The following AAK1 variants were observed in gnomAD, a reference collection of about 807,000 sequenced individuals.
AAK1 encodes the protein AP2 associated kinase 1, also known as AP2-associated protein kinase 1.
AAK1 carries 37 observed loss-of-function variants against 116.0 expected under a neutral mutation model. The observed-to-expected ratio is 0.32, with a 90% confidence interval of 0.25 to 0.42. The LOEUF (loss-of-function observed/expected upper bound fraction) is 0.42. AAK1 is among the 10% of genes least tolerant of loss of function. The pLI is 1.00. For missense variants in AAK1, 919 were observed against 1,170.6 expected, an observed-to-expected ratio of 0.79 and a Z score of 3.14; for synonymous variants, 458 against 439.9, an observed-to-expected ratio of 1.04 and a Z score of -0.51.
chr2:69,523,333 C>T (rs1189312655), intron 10 of AAK1, among the ~76,000 whole-genome samples: 1 of 152,144 alleles, frequency 6.6e-6, no homozygotes, highest in Non-Finnish European at 1.5e-5. Context: ...AATGGACAGA[C>T]TACAAAGTAA....
intron 2 of AAK1, among the ~76,000 whole-genome samples, chr2:69,589,382 G>C (rs532623540): frequency 1.3e-5 from 2 of 152,150 alleles, no homozygotes; most frequent in African/African-American, 4.8e-5. Context: ...GCTGTGAACA[G>C]AATAGATGCA....
At position 69,638,626 on chromosome 2, in the gene AAK1, G is replaced by T. The variant is rs10197030; in HGVS notation, c.163+4252C>A. 4.1e-4 allele frequency among the ~76,000 whole-genome samples: 62 copies of T among 152,140 alleles called. 1 individual carries two copies. The East Asian group carries it at 9.7e-3, about 24-fold the overall frequency. ...GGAGGAAATGTGTACTGATGAAAAT[G>T]GTAACACTAAACTAGTCAGTATTCT... On this transcript the variant is annotated intron_variant, in intron 2 of 21. Transcript: ENST00000409085.
intron 2 of AAK1, among the ~76,000 whole-genome samples, chr2:69,599,395 A>G (rs1558992277): frequency 7.1e-6 from 1 of 140,964 alleles, no homozygotes; most frequent in African/African-American, 2.4e-5. Context: ...AAAAAAAAAA[A>G]AAACTTCACT....
At chr2:69,540,875 T>C (rs1670684707) in intron 5 of AAK1, among the ~76,000 whole-genome samples, 1 of 152,194 alleles carries the variant, frequency 6.6e-6, no homozygotes, top group South Asian at 2.1e-4. Flanking sequence ...AGTGAATGAA[T>C]GGATAAACAA....
intron 2 of AAK1, among the ~76,000 whole-genome samples, chr2:69,630,182 C>T (rs1303935702): frequency 6.6e-6 from 1 of 152,072 alleles, no homozygotes; most frequent in Non-Finnish European, 1.5e-5. Context: ...GCCCATCATA[C>T]TTATAAAAAC....
In AAK1 at chr2:69,594,949, T is replaced by C. The variant is rs914427289; in HGVS notation, c.164-37971A>G. On this transcript the variant is annotated intron_variant, in intron 2 of 21. Coordinates refer to ENST00000409085, the MANE Select transcript of AAK1 (RefSeq NM_014911.5). Reference sequence around the variant, plus strand: ...ACTCTGCTTCCTGTCATAACGCCACTTTCCCTGGGCATACAGAGAATCCTT... The same window carrying C: ...ACTCTGCTTCCTGTCATAACGCCACCTTCCCTGGGCATACAGAGAATCCTT... The C allele has an allele frequency of 2.4e-5, 22 of 921,594 alleles. No individual in the cohort carries two copies. The East Asian group carries it at 3.4e-4, about 14-fold the overall frequency. 57.1% of individuals were successfully genotyped at this position (921,594 alleles called of 1,614,324 possible).
At chr2:69,597,468 C>A in intron 2 of AAK1, 1 of 171,240 alleles carries the variant, frequency 5.8e-6, no homozygotes, top group African/African-American at 2.3e-5. Flanking sequence ...GCCTTCCCCA[C>A]TACAATGTGA....
rs70954346 is a variant in AAK1 at position 69,489,450 on chromosome 2, C to CAAAAA, written c.2365+6530_2365+6534dup. Among the ~76,000 whole-genome samples, 4 of 119,364 alleles carry CAAAAA rather than the reference C, an allele frequency of 3.4e-5. 1 individual carries two copies. Among genetic ancestry groups the CAAAAA allele is most frequent in the East Asian group, 4.6e-4 (2 of 4,378 alleles). 78.3% of individuals were successfully genotyped at this position (119,364 alleles called of 152,430 possible). On this transcript the variant is annotated intron_variant, in intron 17 of 21. Transcript: ENST00000409085. ...TGGGCGACAGAGCGAGACTCCGTCT[C>CAAAAA]AAAAAAAAAAAAAAAAAGAGGACAG... is the stretch of plus-strand genomic sequence containing the variant.
rs1348070323 is a variant in AAK1, at chr2:69,460,040, T to C, written c.*15829A>G. The C allele has an allele frequency of 2.0e-5, 3 of 152,188 alleles. No homozygotes were observed. Among genetic ancestry groups the C allele is most frequent in the African/African-American group, 7.2e-5 (3 of 41,444 alleles). The allele number at this position is 152,188 out of a possible 1,614,324, so 9.4% of individuals were successfully genotyped here. A position where few individuals can be genotyped will look rare whatever the true frequency, so the allele number is the denominator to read the frequency against. ...GGTGGTTTGGATATTAACAAGGTAC[T>C]CCTGCCTCCTCAGAAGCTACAGTCT... On this transcript the variant is annotated 3_prime_UTR_variant, in exon 22 of 22. Coordinates refer to ENST00000409085, the MANE Select transcript of AAK1 (RefSeq NM_014911.5).
In AAK1 at chr2:69,466,273, A is replaced by G. The variant is rs1462307552; in HGVS notation, c.*9596T>C. On this transcript the variant is annotated 3_prime_UTR_variant, in exon 22 of 22. Transcript: ENST00000409085. ...CCCAGCTTCCCCGGGGGGGGTCTGCAGCTCTCATCTTCTTCTTCAGACTCC... is the reference window on the plus strand; with the variant it reads ...CCCAGCTTCCCCGGGGGGGGTCTGCGGCTCTCATCTTCTTCTTCAGACTCC... The G allele has an allele frequency of 7.8e-7, 1 of 1,289,716 alleles. No individual in the cohort carries two copies. Among genetic ancestry groups the G allele is most frequent in the East Asian group, 5.6e-5 (1 of 18,000 alleles). The allele number at this position is 1,289,716 out of a possible 1,614,324, so 79.9% of individuals were successfully genotyped here. A position where few individuals can be genotyped will look rare whatever the true frequency, so the allele number is the denominator to read the frequency against.
intron 2 of AAK1, among the ~76,000 whole-genome samples, chr2:69,577,126 C>T (rs905050448): frequency 1.2e-4 from 18 of 152,324 alleles, no homozygotes; most frequent in Middle Eastern, 3.4e-3. Flanking sequence ...GTCTTGCCGA[C>T]GGGGAACCAA....
At chr2:69,591,777 G>T (rs1306699746) in intron 2 of AAK1, among the ~76,000 whole-genome samples, 1 of 151,942 alleles carries the variant, frequency 6.6e-6, no homozygotes, top group Non-Finnish European at 1.5e-5. Flanking sequence ...CATCATTTTG[G>T]TCAGGCTGGT....
rs1428464520 is a variant in AAK1 at position 69,531,671 on chromosome 2, C to A, written c.656+370G>T. 6.0e-6 allele frequency: 6 copies of A among 1,005,000 alleles called. No homozygotes were observed. In the Admixed American group the frequency reaches 3.3e-4, roughly 55 times the overall value. 62.3% of individuals were successfully genotyped at this position (1,005,000 alleles called of 1,614,324 possible). A position where few individuals can be genotyped will look rare whatever the true frequency, so the allele number is the denominator to read the frequency against. ...ATTTAGGGTTCAGTAAAAAGCACATCTGTTTGACTGATAATGTCATGGTTG... is the reference window on the plus strand; with the variant it reads ...ATTTAGGGTTCAGTAAAAAGCACATATGTTTGACTGATAATGTCATGGTTG... On this transcript the variant is annotated intron_variant, in intron 6 of 21. Transcript: ENST00000409085.
rs1670216906 is a variant in AAK1, at chr2:69,530,617, A to G, written c.738+8T>C. 2.5e-6 allele frequency: 4 copies of G among 1,610,874 alleles called. No individual in the cohort carries two copies. The highest frequency in any genetic ancestry group is 1.6e-4 in the Middle Eastern group (1 of 6,062). On this transcript the variant is annotated splice_region_variant and intron_variant, in intron 7 of 21. Coordinates refer to ENST00000409085, the MANE Select transcript of AAK1 (RefSeq NM_014911.5). ...ATCTGAGGTATGGATAGGTTACCTG[A>G]CACCTACCCAAATGTCTGCCTTCGT...
At position 69,562,401 on chromosome 2, in the gene AAK1, T is replaced by C. The variant is rs78590902; in HGVS notation, c.164-5423A>G. ...AAAGGTTTTAATAAGCATAGGATCA[T>C]GGAGTCACCAATGAAATTACTGAGA... On this transcript the variant is annotated intron_variant, in intron 2 of 21. Coordinates refer to ENST00000409085, the MANE Select transcript of AAK1 (RefSeq NM_014911.5). 9.9e-3 allele frequency among the ~76,000 whole-genome samples: 1,507 copies of C among 152,326 alleles called. 18 individuals are homozygous for C. The highest frequency in any genetic ancestry group is 0.015 in the Non-Finnish European group (1,049 of 68,020).
In AAK1 at chr2:69,475,884, C is replaced by T. The variant is rs1485633936; in HGVS notation, c.2871G>A (p.Gln957=). The change falls in exon 22 of 22, where the codon CAG becomes CAA. Residue 957 remains glutamine (Q), a synonymous_variant. Coordinates refer to ENST00000409085, the MANE Select transcript of AAK1 (RefSeq NM_014911.5). ...TGGGTCACGGCTACAGGTCTATGAG[C>T]TGATCCACCAGCAGTAAAGACCTGG... ...NLARSLLLVD[Q]LIDL is the part of the protein sequence containing the mutation. 1 of 1,611,464 alleles carries T rather than the reference C, an allele frequency of 6.2e-7. No homozygotes were observed. Among genetic ancestry groups the T allele is most frequent in the African/African-American group, 1.3e-5 (1 of 74,812 alleles).
At chr2:69,498,280 A>G (rs183283066) in intron 16 of AAK1, among the ~76,000 whole-genome samples, 64 of 152,106 alleles carry the variant, frequency 4.2e-4, no homozygotes, top group African/African-American at 1.5e-3. Flanking sequence ...AGTGCTGAGC[A>G]TGTGTGGGCA....
rs536126674 is a variant in AAK1, at chr2:69,594,855, C to A, written c.164-37877G>T. On this transcript the variant is annotated intron_variant, in intron 2 of 21. Coordinates refer to ENST00000409085, the MANE Select transcript of AAK1 (RefSeq NM_014911.5). The stretch of plus-strand genomic sequence containing the variant: ...TGCAGTTGGGCTCAACGCACTCAAG[C>A]CTTAGCACAATCTTCTTTGTAGTTT... 17 of 1,557,962 alleles carry A rather than the reference C, an allele frequency of 1.1e-5. No homozygotes were observed. The South Asian group carries it at 1.7e-4, about 15-fold the overall frequency.
chr2:69,479,944 G>A (rs536261429), intron 19 of AAK1, among the ~76,000 whole-genome samples: 4 of 152,030 alleles, frequency 2.6e-5, no homozygotes, highest in East Asian at 1.9e-4. Flanking sequence ...TAGTGGAGAC[G>A]GCGTTTCTCC....
Sources: allele counts gnomAD v4.1 joint callset (sites outside exome capture counted in the v4.1 genomes callset), GRCh38; gene constraint gnomAD v4.1.1; transcripts MANE v1.5; gene names NCBI Gene and HGNC (gene_info 2026-07-23, HGNC 2026-07-21).